Variants in SMPX observed in about 807,000 individuals in gnomAD.
The protein encoded by SMPX is small muscular protein.
In SMPX, 2 loss-of-function variants were observed where a neutral mutation model predicts 6.3. That is an observed-to-expected ratio of 0.32 (90% CI 0.13 to 0.99). The LOEUF (loss-of-function observed/expected upper bound fraction) is 0.99, where lower values mean the gene tolerates loss of function less well. SMPX is among the 50% of genes least tolerant of loss of function. The pLI, the probability that SMPX is intolerant of heterozygous loss-of-function variation, is 0.49. For synonymous variants in SMPX, 32 were observed against 24.7 expected, an observed-to-expected ratio of 1.30 and a Z score of -0.88; for missense variants, 60 against 66.8, an observed-to-expected ratio of 0.90 and a Z score of 0.36.
intron 2 of SMPX, among the ~76,000 whole-genome samples, chrX:21,747,299 C>T (rs1399829383): frequency 9.0e-6 from 1 of 110,720 alleles, no homozygotes. Context: ...CCTGATGCAG[C>T]AGACCTGGTG....
At chrX:21,731,588 A>G (rs2092804428) in intron 4 of SMPX, among the ~76,000 whole-genome samples, 2 of 95,613 alleles carry the variant, frequency 2.1e-5, no homozygotes, top group African/African-American at 3.7e-5. Context: ...ATATGTGTAT[A>G]TGTACACATT....
intron 2 of SMPX, among the ~76,000 whole-genome samples, chrX:21,752,809 G>A (rs913693351): frequency 9.0e-5 from 10 of 111,516 alleles, no homozygotes; most frequent in African/African-American, 3.3e-4. Flanking sequence ...GAACCACCGC[G>A]CCCGGCCTAC....
Position 21,706,002 on chromosome X carries a change from T to C in SMPX, c.*407A>G, listed in dbSNP as rs1431656596. 1 of 470,139 alleles carries C rather than the reference T, an allele frequency of 2.1e-6. No homozygotes were observed. The highest frequency in any genetic ancestry group is 3.7e-6 in the Non-Finnish European group (1 of 268,044). 38.7% of individuals were successfully genotyped at this position (470,139 alleles called of 1,213,427 possible). On this transcript the variant is annotated 3_prime_UTR_variant, in exon 5 of 5. Transcript: ENST00000379494. Reference sequence around the variant, plus strand: ...ATTTTACATTTAGTCAAATATTTATTTGAACTCATACAAAGTTTAGTGACA... The same window carrying C: ...ATTTTACATTTAGTCAAATATTTATCTGAACTCATACAAAGTTTAGTGACA...
intron 2 of SMPX, 67 bp from the exon 3 acceptor site, chrX:21,743,903 G>A (rs1602109833): frequency 2.4e-6 from 2 of 825,073 alleles, no homozygotes; most frequent in Non-Finnish European, 3.7e-6. Flanking sequence ...TTCTGAGACA[G>A]TAATCGTTGT....
intron 2 of SMPX, among the ~76,000 whole-genome samples, chrX:21,744,326 C>T (rs2092819194): frequency 8.9e-6 from 1 of 111,734 alleles, no homozygotes; most frequent in Admixed American, 9.5e-5. Context: ...ATGTCCTGCA[C>T]TTTATTGCCA....
chrX:21,754,210 T>A lies in SMPX; in HGVS notation c.45+36A>T, dbSNP rs750668242. ...GAACAATCGCCAGAAATATGACTTA[T>A]TAAGCAACCAGGCAAGAAGTTGCAG... On this transcript the variant is annotated intron_variant, in intron 2 of 4. Transcript: ENST00000379494. 10 of 1,173,403 alleles carry A rather than the reference T, an allele frequency of 8.5e-6. No individual in the cohort carries two copies. In the Admixed American group the frequency reaches 2.2e-4, roughly 26 times the overall value.
intron 3 of SMPX, 125 bp downstream of exon 3, chrX:21,743,625 G>T: frequency 1.8e-6 from 1 of 556,526 alleles, no homozygotes; most frequent in Non-Finnish European, 3.2e-6. Flanking sequence ...GTTATTCCTT[G>T]ACACACAGCC....
chrX:21,741,849 T>A (rs2092816398), intron 3 of SMPX, among the ~76,000 whole-genome samples: 1 of 112,122 alleles, frequency 8.9e-6, no homozygotes, highest in Non-Finnish European at 1.9e-5. Context: ...ACTACCTCCA[T>A]CCTATGAAAA....
In SMPX at chrX:21,743,765, A is replaced by T. The variant is rs186846362; in HGVS notation, c.117T>A (p.Thr39=). Reference sequence around the variant, plus strand: ...TTTTCCTCACCTCCTCCACTTCAGGAGTACATTCTTTTCTTCTGGGGGGTT... The same window carrying T: ...TTTTCCTCACCTCCTCCACTTCAGGTGTACATTCTTTTCTTCTGGGGGGTT... ...AGQPPRRKEC[T]PEVEEGVPPT... Residue 39 remains threonine, a synonymous_variant, in exon 3 of 5, where the codon ACT becomes ACA. Transcript: ENST00000379494. 8.3e-7 allele frequency: 1 copy of T among 1,203,236 alleles called. No homozygotes were observed. The highest frequency in any genetic ancestry group is 1.8e-5 in the African/African-American group (1 of 56,967).
chrX:21,719,701 C>T (rs1363323621), intron 4 of SMPX, among the ~76,000 whole-genome samples: 4 of 111,474 alleles, frequency 3.6e-5, no homozygotes, highest in African/African-American at 1.3e-4. Context: ...GAGGTTCTGC[C>T]TTCCTCTCCC....
chrX:21,738,037 A>G (rs1165739986), intron 3 of SMPX, among the ~76,000 whole-genome samples: 4 of 112,581 alleles, frequency 3.6e-5, no homozygotes, highest in Admixed American at 1.9e-4. Flanking sequence ...ATTGACTTTA[A>G]TTTGTAATCA....
intron 4 of SMPX, among the ~76,000 whole-genome samples, chrX:21,711,631 T>C (rs1381293359): frequency 8.9e-6 from 1 of 112,127 alleles, no homozygotes; most frequent in East Asian, 2.8e-4. Context: ...CGCCTTGCTG[T>C]GACCCATTTA....
chrX:21,710,773 C>T (rs894385434), intron 4 of SMPX, among the ~76,000 whole-genome samples: 1 of 111,940 alleles, frequency 8.9e-6, no homozygotes, highest in Non-Finnish European at 1.9e-5. Flanking sequence ...TGCTATCAAC[C>T]TGTGCTCATG....
At chrX:21,735,892 G>C (rs868255498) in intron 4 of SMPX, among the ~76,000 whole-genome samples, 2 of 111,391 alleles carry the variant, frequency 1.8e-5, no homozygotes, top group Middle Eastern at 4.6e-3. Context: ...GCAGGACTGA[G>C]TGTGATACTC....
chrX:21,735,514 G>A (rs145254216), intron 4 of SMPX, among the ~76,000 whole-genome samples: 2 of 29,164 alleles, frequency 6.9e-5, no homozygotes, highest in Non-Finnish European at 1.1e-4. Context: ...TTCAATATTT[G>A]ATTGAGTTGT....
chrX:21,722,705 G>T (rs2092793029), intron 4 of SMPX, among the ~76,000 whole-genome samples: 1 of 111,037 alleles, frequency 9.0e-6, no homozygotes, highest in Non-Finnish European at 1.9e-5. Context: ...TCACCGCCAT[G>T]GACCTGTCTG....
At chrX:21,715,768 A>G (rs144468954) in intron 4 of SMPX, among the ~76,000 whole-genome samples, 3 of 111,308 alleles carry the variant, frequency 2.7e-5, no homozygotes, top group African/African-American at 9.8e-5. Context: ...CACTATGTGA[A>G]GACATTTTTT....
rs2092823141 is a variant in SMPX at position 21,747,838 on chromosome X, A to G, written c.46-4002T>C. Among the ~76,000 whole-genome samples the G allele has an allele frequency of 2.7e-5, 3 of 111,118 alleles. No homozygotes were observed. In the Admixed American group the frequency reaches 2.9e-4, roughly 11 times the overall value. On this transcript the variant is annotated intron_variant, in intron 2 of 4. Coordinates refer to ENST00000379494, the MANE Select transcript of SMPX (RefSeq NM_014332.3). Reference sequence around the variant, plus strand: ...CATTATTTGTTTCAGATGACCCCCTACTGATTCAATCTTTACTTTTCAAAG... The same window carrying G: ...CATTATTTGTTTCAGATGACCCCCTGCTGATTCAATCTTTACTTTTCAAAG...
chrX:21,715,311 C>CGT (rs1569303803), intron 4 of SMPX, among the ~76,000 whole-genome samples: 998 of 96,512 alleles, frequency 0.01, 12 homozygotes, highest in African/African-American at 0.051. Context: ...TGTGCGCGCA[C>CGT]GCGCGCGCGC....
Sources: allele counts gnomAD v4.1 joint callset (sites outside exome capture counted in the v4.1 genomes callset), GRCh38; gene constraint gnomAD v4.1.1; transcripts MANE v1.5; gene names NCBI Gene and HGNC (gene_info 2026-07-23, HGNC 2026-07-21).